The following KIAA1958 variants were observed in gnomAD, a reference collection of about 807,000 sequenced individuals.
KIAA1958 encodes the protein uncharacterized protein KIAA1958.
KIAA1958 carries 14 observed loss-of-function variants against 47.2 expected under a neutral mutation model. The ratio of observed to expected loss-of-function variants is 0.30; its 90% CI spans 0.20 to 0.46. The LOEUF (loss-of-function observed/expected upper bound fraction) is 0.46. Ranked by LOEUF, KIAA1958 falls within the 20% of genes least tolerant of loss-of-function variation. KIAA1958 has a pLI of 1.00. For synonymous variants in KIAA1958, 354 were observed against 353.3 expected (o/e 1.00, Z -0.02); for missense variants, 803 against 909.2 (o/e 0.88, Z 1.50).
chr9:112,622,929 T>C (rs1385802944), intron 2 of KIAA1958, among the ~76,000 whole-genome samples: 1 of 152,210 alleles, frequency 6.6e-6, no homozygotes, highest in Non-Finnish European at 1.5e-5. Flanking sequence ...TCAAAGAATT[T>C]ATAAAAGACA....
intron 1 of KIAA1958, among the ~76,000 whole-genome samples, chr9:112,542,948 T>A (rs1834967618): frequency 6.6e-6 from 1 of 152,174 alleles, no homozygotes; most frequent in Non-Finnish European, 1.5e-5. Context: ...GTAGTTACCA[T>A]GTGCAAAATG....
intron 1 of KIAA1958, among the ~76,000 whole-genome samples, chr9:112,496,614 T>A (rs1834055674): frequency 6.6e-6 from 1 of 152,214 alleles, no homozygotes; most frequent in Non-Finnish European, 1.5e-5. Context: ...ACCTCCTCTC[T>A]GATGTTCTCT....
In KIAA1958 at chr9:112,660,207, T is replaced by A; in HGVS notation, c.*138T>A. On this transcript the variant is annotated 3_prime_UTR_variant, in exon 4 of 4. Coordinates refer to ENST00000337530, the MANE Select transcript of KIAA1958 (RefSeq NM_133465.4). ...GGCTCTCCCCTGGTGTGGCCTGCCC[T>A]CCCTTTGACTTGGGGTTTGCTTTTT... 1.5e-6 allele frequency: 1 copy of A among 658,546 alleles called. No individual in the cohort carries two copies. The highest frequency in any genetic ancestry group is 2.6e-6 in the Non-Finnish European group (1 of 383,634). The allele number at this position is 658,546 out of a possible 1,614,324, so 40.8% of individuals were successfully genotyped here.
chr9:112,502,186 T>C (rs1373056919), intron 1 of KIAA1958, among the ~76,000 whole-genome samples: 1 of 152,232 alleles, frequency 6.6e-6, no homozygotes, highest in Non-Finnish European at 1.5e-5. Flanking sequence ...TGAAGTATAG[T>C]ATACTTACAA....
intron 2 of KIAA1958, among the ~76,000 whole-genome samples, chr9:112,605,178 G>A (rs986245738): frequency 6.6e-6 from 1 of 151,888 alleles, no homozygotes; most frequent in African/African-American, 2.4e-5. Flanking sequence ...CTAACACAGA[G>A]GTTTGAAATG....
chr9:112,536,823 CTAAAA>C (rs1439423750), intron 1 of KIAA1958, among the ~76,000 whole-genome samples: 1 of 151,912 alleles, frequency 6.6e-6, no homozygotes, highest in Non-Finnish European at 1.5e-5. Context: ...GTATCATACA[CTAAAA>C]TAAATTCCAA....
At chr9:112,643,275 A>G (rs1836923670) in intron 2 of KIAA1958, among the ~76,000 whole-genome samples, 1 of 152,224 alleles carries the variant, frequency 6.6e-6, no homozygotes, top group East Asian at 1.9e-4. Context: ...TCCATAATTT[A>G]AACAGCCCAG....
At chr9:112,543,798 TC>T (rs1358953332) in intron 1 of KIAA1958, among the ~76,000 whole-genome samples, 1 of 151,986 alleles carries the variant, frequency 6.6e-6, no homozygotes, top group Non-Finnish European at 1.5e-5. Flanking sequence ...GTCTCGAACT[TC>T]CGACCTCAGA....
intron 1 of KIAA1958, among the ~76,000 whole-genome samples, chr9:112,505,048 A>T (rs61171613): frequency 1.1e-4 from 16 of 152,066 alleles, no homozygotes; most frequent in Admixed American, 8.5e-4. Flanking sequence ...TGGTCCCCTC[A>T]CTCAACTTTC....
intron 1 of KIAA1958, among the ~76,000 whole-genome samples, chr9:112,501,444 T>TG (rs1448799343): frequency 2.6e-5 from 4 of 151,960 alleles, no homozygotes; most frequent in Non-Finnish European, 5.9e-5. Flanking sequence ...TCCTGTCTCT[T>TG]GAAAAAAAAC....
chr9:112,556,795 A>G lies in KIAA1958; in HGVS notation c.-24-17262A>G, dbSNP rs75925225. Among the ~76,000 whole-genome samples the G allele has an allele frequency of 7.0e-3, 1,069 of 152,276 alleles. 15 individuals carry two copies. Among genetic ancestry groups the G allele is most frequent in the African/African-American group, 0.025 (1,032 of 41,554 alleles). On this transcript the variant is annotated intron_variant, in intron 1 of 3. Transcript: ENST00000337530. ...CCTCTCTGAATCATTGCTATGCTTA[A>G]TGTAATCCTGAATGGGCAGGAGTGC...
intron 2 of KIAA1958, among the ~76,000 whole-genome samples, chr9:112,594,743 C>T (rs1835990357): frequency 6.6e-6 from 1 of 152,132 alleles, no homozygotes; most frequent in Non-Finnish European, 1.5e-5. Context: ...TGGGGATATA[C>T]CTAGGAGTGA....
intron 2 of KIAA1958, among the ~76,000 whole-genome samples, chr9:112,594,320 A>C (rs1169237565): frequency 3.3e-5 from 5 of 152,226 alleles, no homozygotes; most frequent in Non-Finnish European, 7.3e-5. Context: ...ATTAAAATGA[A>C]GTATACAATT....
At chr9:112,566,337 CAAAGGT>C (rs1296188017) in intron 1 of KIAA1958, among the ~76,000 whole-genome samples, 1 of 152,118 alleles carries the variant, frequency 6.6e-6, no homozygotes, top group Non-Finnish European at 1.5e-5. Flanking sequence ...GGGCCTTCAG[CAAAGGT>C]ACTATTTTAC....
intron 2 of KIAA1958, among the ~76,000 whole-genome samples, chr9:112,588,373 G>GATTAGAGTCCATGTAAAA (rs1265194618): frequency 2.6e-5 from 4 of 152,058 alleles, no homozygotes; most frequent in African/African-American, 9.7e-5. Flanking sequence ...CCATGTAAAG[G>GATTAGAGTCCATGTAAAA]GCTTAGAACA....
In KIAA1958 at chr9:112,659,837, A is replaced by G; in HGVS notation, c.1919A>G (p.His640Arg). 6.2e-7 allele frequency: 1 copy of G among 1,614,054 alleles called. No individual in the cohort carries two copies. The highest frequency in any genetic ancestry group is 8.5e-7 in the Non-Finnish European group (1 of 1,179,990). ...YCLLYKYMYI[H>R]RPPTQMEAKS... ...CTCCTCTACAAGTACATGTACATCC[A>G]CCGGCCGCCCACCCAAATGGAGGCC... Residue 640 changes from histidine to arginine, a missense_variant, in exon 4 of 4, where the codon CAC becomes CGC. His to Arg is a conservative substitution (Grantham distance 29, BLOSUM62 0). Coordinates refer to ENST00000337530, the MANE Select transcript of KIAA1958 (RefSeq NM_133465.4).
intron 2 of KIAA1958, among the ~76,000 whole-genome samples, chr9:112,619,576 G>C (rs551005479): frequency 1.2e-4 from 19 of 152,178 alleles, no homozygotes; most frequent in African/African-American, 4.6e-4. Flanking sequence ...GGTAGAAGGA[G>C]GGAATAAAGG....
chr9:112,588,063 G>A (rs909769667), intron 2 of KIAA1958, among the ~76,000 whole-genome samples: 2 of 152,184 alleles, frequency 1.3e-5, no homozygotes, highest in Admixed American at 6.5e-5. Context: ...AGGGATATCA[G>A]TGTCCCTATT....
At chr9:112,494,511 C>T (rs1376853148) in intron 1 of KIAA1958, among the ~76,000 whole-genome samples, 1 of 151,742 alleles carries the variant, frequency 6.6e-6, no homozygotes, top group African/African-American at 2.4e-5. Flanking sequence ...CTCTGTCACC[C>T]AGGCTGGAAT....
Sources: gnomAD v4.1 joint callset for allele counts (sites outside exome capture counted in the v4.1 genomes callset) on GRCh38, gnomAD v4.1.1 for gene constraint, MANE v1.5 for transcripts, NCBI Gene and HGNC (gene_info 2026-07-23, HGNC 2026-07-21) for gene names.